Variants in MYO1E observed in about 807,000 individuals in gnomAD.
MYO1E encodes the protein unconventional myosin-Ie.
In MYO1E, 68 loss-of-function variants were observed where a neutral mutation model predicts 151.1. The observed-to-expected ratio is 0.45, with a 90% CI of 0.37 to 0.55. MYO1E has a LOEUF of 0.55. MYO1E is among the 20% of genes least tolerant of loss of function. MYO1E has a pLI of 0.00. For synonymous variants in MYO1E, 601 were observed against 501.7 expected (o/e 1.20, Z -2.64); for missense variants, 1,363 against 1,389.3 (o/e 0.98, Z 0.30).
chr15:59,332,469 G>T (rs2080703649), intron 1 of MYO1E, among the ~76,000 whole-genome samples: 1 of 152,160 alleles, frequency 6.6e-6, no homozygotes, highest in Non-Finnish European at 1.5e-5. Context: ...CCATTATGTG[G>T]CTGACACTAG....
In MYO1E at chr15:59,172,049, G is replaced by A; in HGVS notation, c.2335-7C>T. ...GCAGGTCTCGCTTTACACCCTGTAA[G>A]GAGAGGAGCTTTAAGAAGCTGGACA... On this transcript the variant is annotated splice_region_variant and splice_polypyrimidine_tract_variant and intron_variant, in intron 21 of 27. Coordinates refer to ENST00000288235, the MANE Select transcript of MYO1E (RefSeq NM_004998.4). The A allele has an allele frequency of 6.2e-7, 1 of 1,613,694 alleles. No individual in the cohort carries two copies. The highest frequency in any genetic ancestry group is 1.1e-5 in the South Asian group (1 of 91,072).
chr15:59,194,160 C>A (rs542160027), intron 17 of MYO1E, among the ~76,000 whole-genome samples: 2 of 149,700 alleles, frequency 1.3e-5, no homozygotes, highest in Non-Finnish European at 3.0e-5. Flanking sequence ...GGTGACAGAG[C>A]GAGACTCTTG....
chr15:59,261,478 T>G lies in MYO1E; in HGVS notation c.179A>C (p.Asn60Thr), dbSNP rs756283365. The part of the protein sequence containing the change: ...TYIGSVLISV[N>T]PFKQMPYFGE... ...AAAATATGGCATCTGCTTGAAAGGG[T>G]TGACTGAGATTAATACAGATCCTAT... Residue 60 changes from asparagine to threonine, a missense_variant, in exon 3 of 28, where the codon AAC becomes ACC. Coordinates refer to ENST00000288235, the MANE Select transcript of MYO1E (RefSeq NM_004998.4). The G allele has an allele frequency of 1.2e-6, 2 of 1,608,918 alleles. No individual in the cohort carries two copies. The highest frequency in any genetic ancestry group is 1.7e-6 in the Non-Finnish European group (2 of 1,175,558).
At chr15:59,283,414 C>A (rs2080369037) in intron 1 of MYO1E, among the ~76,000 whole-genome samples, 1 of 152,074 alleles carries the variant, frequency 6.6e-6, no homozygotes, top group Non-Finnish European at 1.5e-5. Flanking sequence ...AACTCTCACC[C>A]AGCACAGGTC....
intron 26 of MYO1E, among the ~76,000 whole-genome samples, chr15:59,140,968 G>A (rs1313331089): frequency 6.6e-6 from 1 of 152,192 alleles, no homozygotes; most frequent in Non-Finnish European, 1.5e-5. Flanking sequence ...TCTACCTAGT[G>A]CCTACTGGAA....
chr15:59,237,235 T>C (rs527337194), intron 4 of MYO1E, among the ~76,000 whole-genome samples: 16 of 152,250 alleles, frequency 1.1e-4, no homozygotes, highest in African/African-American at 3.8e-4. Context: ...TTTTGTAATT[T>C]AAAAAAAGAA....
intron 1 of MYO1E, among the ~76,000 whole-genome samples, chr15:59,322,043 C>T (rs1471081562): frequency 2.6e-5 from 4 of 151,810 alleles, no homozygotes; most frequent in African/African-American, 4.8e-5. Context: ...GGTGTGGTGG[C>T]GGGCACCTGT....
At chr15:59,151,627 A>G (rs2140305814) in intron 26 of MYO1E, among the ~76,000 whole-genome samples, 1 of 152,174 alleles carries the variant, frequency 6.6e-6, no homozygotes, top group South Asian at 2.1e-4. Flanking sequence ...ATAAAGATGA[A>G]TGAGGCCAGG....
In MYO1E at chr15:59,230,214, CAGTGTGTGTTTGTGTGTGTG is replaced by C. The variant is rs1170352699; in HGVS notation, c.510+1468_510+1487del. ...TGGTGAATAGTGAGAGAGAGAGAGA[CAGTGTGTGTTTGTGTGTGTG>C]TGTGTGTGTGTGTGTGTGTGCAGGT... On this transcript the variant is annotated intron_variant, in intron 6 of 27. Coordinates refer to ENST00000288235, the MANE Select transcript of MYO1E (RefSeq NM_004998.4). Among the ~76,000 whole-genome samples, 30 of 45,964 alleles carry C rather than the reference CAGTGTGTGTTTGTGTGTGTG, an allele frequency of 6.5e-4. 1 individual carries two copies. In the Admixed American group the frequency reaches 0.011, roughly 17 times the overall value. 30.2% of individuals were successfully genotyped at this position (45,964 alleles called of 152,430 possible).
chr15:59,320,110 T>G (rs2080616559), intron 1 of MYO1E, among the ~76,000 whole-genome samples: 1 of 152,146 alleles, frequency 6.6e-6, no homozygotes, highest in Non-Finnish European at 1.5e-5. Flanking sequence ...GGAATACATC[T>G]AACCAAGGAG....
chr15:59,301,564 T>C (rs995130735), intron 1 of MYO1E, among the ~76,000 whole-genome samples: 1 of 152,240 alleles, frequency 6.6e-6, no homozygotes, highest in East Asian at 1.9e-4. Context: ...AAGGCTATAA[T>C]GTTTAATTGA....
chr15:59,297,437 A>ATTTTTTTT (rs755470049), intron 1 of MYO1E, among the ~76,000 whole-genome samples: 17 of 63,482 alleles, frequency 2.7e-4, no homozygotes, highest in African/African-American at 5.2e-4. Flanking sequence ...CACCCAGCTA[A>ATTTTTTTT]TTTTTTTTTT....
In MYO1E at chr15:59,319,550, C is replaced by CTTTTTTTTTTTT. The variant is rs59491381; in HGVS notation, c.4-47113_4-47102dup. On this transcript the variant is annotated intron_variant, in intron 1 of 27. Coordinates refer to ENST00000288235, the MANE Select transcript of MYO1E (RefSeq NM_004998.4). ...AAGATAGGAAAAGAAGTCAAACTACCTTTTTTTTTTTTTTTTTTTTTTTTT... is the reference window on the plus strand; with the variant it reads ...AAGATAGGAAAAGAAGTCAAACTACCTTTTTTTTTTTTTTTTTTTTTTTTTTTTTTTTTTTTT... 1.1e-3 allele frequency among the ~76,000 whole-genome samples: 68 copies of CTTTTTTTTTTTT among 63,704 alleles called. 6 individuals carry two copies. The highest frequency in any genetic ancestry group is 1.8e-3 in the African/African-American group (40 of 22,400). The allele number at this position is 63,704 out of a possible 152,430, so 41.8% of individuals were successfully genotyped here.
intron 6 of MYO1E, among the ~76,000 whole-genome samples, chr15:59,230,055 C>T (rs2080017113): frequency 6.6e-6 from 1 of 152,150 alleles, no homozygotes; most frequent in Admixed American, 6.5e-5. Flanking sequence ...ATTGCCCAAT[C>T]ACTTTCCTGG....
At chr15:59,271,161 C>T (rs2080286766) in intron 2 of MYO1E, 1 of 152,056 alleles carries the variant, frequency 6.6e-6, no homozygotes. Context: ...TGAACCCGAC[C>T]CCCCACGACT....
chr15:59,256,500 CTA>C (rs2080194794), intron 3 of MYO1E, 122 bp from the exon 4 acceptor site: 1 of 501,222 alleles, frequency 2.0e-6, no homozygotes, highest in Middle Eastern at 5.6e-4. Context: ...GAATCGTGCA[CTA>C]TAGTTCCAAT....
At chr15:59,142,092 G>A (rs2079413567) in intron 26 of MYO1E, among the ~76,000 whole-genome samples, 1 of 151,700 alleles carries the variant, frequency 6.6e-6, no homozygotes, top group African/African-American at 2.4e-5. Context: ...GGGAAACGGA[G>A]TGAGACTCCA....
At chr15:59,155,297 TATA>T (rs1596344567) in intron 25 of MYO1E, among the ~76,000 whole-genome samples, 1 of 152,264 alleles carries the variant, frequency 6.6e-6, no homozygotes, top group East Asian at 1.9e-4. Context: ...TGTTGCATCT[TATA>T]ATAAGACATT....
intron 1 of MYO1E, among the ~76,000 whole-genome samples, chr15:59,322,108 G>T (rs1165329375): frequency 2.0e-5 from 3 of 150,810 alleles, no homozygotes; most frequent in Non-Finnish European, 4.4e-5. Flanking sequence ...CTGGGAGGTG[G>T]AGGTTGCAGT....
Sources: gnomAD v4.1 joint callset for allele counts (sites outside exome capture counted in the v4.1 genomes callset) on GRCh38, gnomAD v4.1.1 for gene constraint, MANE v1.5 for transcripts, NCBI Gene and HGNC (gene_info 2026-07-23, HGNC 2026-07-21) for gene names.